Variants in ZNF407 observed in about 807,000 individuals in gnomAD.
ZNF407 encodes the protein zinc finger protein 407.
Under a neutral mutation model 131.2 loss-of-function variants are expected in ZNF407, and 17 were observed. The observed-to-expected ratio is 0.13, with a 90% CI of 0.09 to 0.19. The LOEUF (loss-of-function observed/expected upper bound fraction) is 0.19, where lower values mean the gene tolerates loss of function less well. Ranked by LOEUF, ZNF407 falls within the 10% of genes least tolerant of loss-of-function variation. ZNF407 has a pLI of 1.00. For missense variants in ZNF407, 2,681 were observed against 2,830.6 expected (o/e 0.95, Z 1.20); for synonymous variants, 1,156 against 1,062.0 (o/e 1.09, Z -1.72).
intron 8 of ZNF407, among the ~76,000 whole-genome samples, chr18:75,047,087 A>G (rs942396874): frequency 3.3e-5 from 5 of 152,232 alleles, no homozygotes; most frequent in Admixed American, 6.5e-5. Context: ...AAATTGGACA[A>G]TAAACCCAAA....
intron 3 of ZNF407, among the ~76,000 whole-genome samples, chr18:74,661,323 G>A (rs920386201): frequency 6.6e-6 from 1 of 150,882 alleles, no homozygotes. Flanking sequence ...CTAAAAGGCT[G>A]TAAGCTTAGT....
intron 4 of ZNF407, among the ~76,000 whole-genome samples, chr18:74,807,092 G>C (rs1970121164): frequency 6.6e-6 from 1 of 152,248 alleles, no homozygotes; most frequent in South Asian, 2.1e-4. Context: ...ATTGTAGATA[G>C]ATTGTTTACA....
At chr18:74,707,971 A>G (rs901330765) in intron 3 of ZNF407, among the ~76,000 whole-genome samples, 1 of 152,252 alleles carries the variant, frequency 6.6e-6, no homozygotes, top group African/African-American at 2.4e-5. Flanking sequence ...TTAGTAAAAC[A>G]AGTGTTAGTG....
chr18:74,728,011 C>T (rs1340150588), intron 3 of ZNF407, among the ~76,000 whole-genome samples: 4 of 152,130 alleles, frequency 2.6e-5, no homozygotes, highest in African/African-American at 9.7e-5. Context: ...TCTCCTACCG[C>T]AGCCTTCCTC....
chr18:74,825,179 T>A (rs1234648973), intron 4 of ZNF407, among the ~76,000 whole-genome samples: 1 of 152,036 alleles, frequency 6.6e-6, no homozygotes. Context: ...TGCTAAAAAC[T>A]CTCAATAAAC....
chr18:74,685,295 C>T (rs1013171964), intron 3 of ZNF407, among the ~76,000 whole-genome samples: 8 of 152,026 alleles, frequency 5.3e-5, no homozygotes, highest in East Asian at 1.9e-4. Context: ...TTGAAACACC[C>T]ACGTGAAGAG....
At chr18:74,727,959 C>A (rs1968198858) in intron 3 of ZNF407, among the ~76,000 whole-genome samples, 1 of 152,146 alleles carries the variant, frequency 6.6e-6, no homozygotes. Flanking sequence ...GAGCTTTTTG[C>A]TTCAGTGTGC....
intron 3 of ZNF407, among the ~76,000 whole-genome samples, chr18:74,680,986 A>G (rs28634636): frequency 7.4e-4 from 112 of 152,224 alleles, no homozygotes; most frequent in African/African-American, 2.5e-3. Flanking sequence ...AGCATTGATT[A>G]TATCTTTAGC....
chr18:74,851,663 T>G (rs1341213612), intron 4 of ZNF407, among the ~76,000 whole-genome samples: 2 of 152,154 alleles, frequency 1.3e-5, no homozygotes, highest in Non-Finnish European at 2.9e-5. Context: ...ATTGTTATAT[T>G]TGGGAAATTC....
intron 3 of ZNF407, among the ~76,000 whole-genome samples, chr18:74,772,771 A>T (rs1969387737): frequency 6.6e-6 from 1 of 152,186 alleles, no homozygotes; most frequent in Non-Finnish European, 1.5e-5. Flanking sequence ...ACATATTTAT[A>T]GGAAGGTGTG....
chr18:74,619,332 C>A (rs898790454), intron 1 of ZNF407, among the ~76,000 whole-genome samples: 1 of 152,168 alleles, frequency 6.6e-6, no homozygotes, highest in Non-Finnish European at 1.5e-5. Flanking sequence ...GGAATGAAAA[C>A]CATGGCTTGC....
chr18:74,613,129 G>A (rs1450016263), intron 1 of ZNF407, among the ~76,000 whole-genome samples: 2 of 152,180 alleles, frequency 1.3e-5, no homozygotes, highest in Non-Finnish European at 2.9e-5. Context: ...CAGTTCATTA[G>A]AAAGTGGTAG....
intron 3 of ZNF407, among the ~76,000 whole-genome samples, chr18:74,707,757 A>T (rs1361450771): frequency 3.9e-5 from 6 of 152,332 alleles, no homozygotes; most frequent in African/African-American, 1.4e-4. Context: ...CTTTTTCCTC[A>T]TGAAATCTTT....
intron 4 of ZNF407, among the ~76,000 whole-genome samples, chr18:74,842,194 T>C (rs1970643463): frequency 6.6e-6 from 1 of 152,190 alleles, no homozygotes; most frequent in Admixed American, 6.5e-5. Flanking sequence ...TATTCATGGC[T>C]AAATTGCCCG....
At chr18:74,715,076 G>C (rs546516704) in intron 3 of ZNF407, among the ~76,000 whole-genome samples, 1 of 152,146 alleles carries the variant, frequency 6.6e-6, no homozygotes, top group Non-Finnish European at 1.5e-5. Flanking sequence ...ACGTGAACCA[G>C]TTACCTTTAC....
chr18:74,901,418 A>G (rs1451117011), intron 7 of ZNF407, among the ~76,000 whole-genome samples: 2 of 152,244 alleles, frequency 1.3e-5, no homozygotes, highest in Non-Finnish European at 2.9e-5. Flanking sequence ...TTCTGCAAGT[A>G]CAAATAAAGA....
intron 4 of ZNF407, among the ~76,000 whole-genome samples, chr18:74,848,831 A>G (rs1228944663): frequency 6.6e-6 from 1 of 152,146 alleles, no homozygotes; most frequent in Non-Finnish European, 1.5e-5. Flanking sequence ...CATAGAGGCT[A>G]TTCATAAGCT....
chr18:74,664,631 G>T (rs1026512523), intron 3 of ZNF407, among the ~76,000 whole-genome samples: 5 of 152,136 alleles, frequency 3.3e-5, no homozygotes, highest in Non-Finnish European at 7.3e-5. Flanking sequence ...ATAAGTTGAA[G>T]AAATAGCCTT....
intron 7 of ZNF407, among the ~76,000 whole-genome samples, chr18:74,896,298 C>T (rs1559794): frequency 0.38 from 58,205 of 151,792 alleles, 12,779 homozygotes; most frequent in African/African-American, 0.6. Context: ...CAACACGTTT[C>T]CATTATGTCA....
Sources: gnomAD v4.1 joint callset for allele counts (sites outside exome capture counted in the v4.1 genomes callset) on GRCh38, gnomAD v4.1.1 for gene constraint, MANE v1.5 for transcripts, NCBI Gene and HGNC (gene_info 2026-07-23, HGNC 2026-07-21) for gene names.